The following GOLGA4 variants were observed in gnomAD, a reference collection of about 807,000 sequenced individuals.
The protein encoded by GOLGA4 is golgin subfamily A member 4.
In GOLGA4, 169 loss-of-function variants were observed where a neutral mutation model predicts 265.9. That is an observed-to-expected ratio of 0.64 (90% CI 0.56 to 0.72). The LOEUF is 0.72. Among genes scored for constraint, GOLGA4 ranks in the 30% least tolerant of loss-of-function variants. The probability of loss-of-function intolerance (pLI) is 0.00; values close to 1 mark genes in which losing one functional copy is unlikely to be tolerated. For synonymous variants in GOLGA4, 923 were observed against 855.8 expected, an observed-to-expected ratio of 1.08 and a Z score of -1.37; for missense variants, 2,482 against 2,483.4, an observed-to-expected ratio of 1.00 and a Z score of 0.01.
At chr3:37,337,845 A>G in intron 19 of GOLGA4, 111 bp downstream of exon 19, 1 of 654,308 alleles carries the variant, frequency 1.5e-6, no homozygotes, top group Non-Finnish European at 2.7e-6. Flanking sequence ...TCTTACACCC[A>G]GGAAATTTTA....
At position 37,325,906 on chromosome 3, in the gene GOLGA4, T is replaced by C. The variant is rs1276875273; in HGVS notation, c.4020T>C (p.Cys1340=). ...QQQAASEKES[C]ITQLKKELSE... is the part of the protein sequence containing the mutation. ...AGGCTGCTTCTGAAAAGGAGTCTTGTATAACACAGTTGAAGAAAGAGTTAT... is the reference window on the plus strand; with the variant it reads ...AGGCTGCTTCTGAAAAGGAGTCTTGCATAACACAGTTGAAGAAAGAGTTAT... The change falls in exon 14 of 24, where the codon TGT becomes TGC. Residue 1340 remains cysteine (C), a synonymous_variant. Coordinates refer to ENST00000361924, the MANE Select transcript of GOLGA4 (RefSeq NM_002078.5). 5 of 1,613,368 alleles carry C rather than the reference T, an allele frequency of 3.1e-6. No individual in the cohort carries two copies. The highest frequency in any genetic ancestry group is 4.2e-6 in the Non-Finnish European group (5 of 1,179,502).
At chr3:37,310,736 T>TGG (rs11436513) in intron 10 of GOLGA4, among the ~76,000 whole-genome samples, 1 of 146,954 alleles carries the variant, frequency 6.8e-6, no homozygotes, top group African/African-American at 2.5e-5. Context: ...TGTGTGTGTG[T>TGG]TTTTTTTTTT....
At position 37,319,411 on chromosome 3, in the gene GOLGA4, A is replaced by G. The variant is rs2096948421; in HGVS notation, c.1545+217A>G. The G allele has an allele frequency of 1.0e-5, 3 of 296,988 alleles. No individual in the cohort carries two copies. Among genetic ancestry groups the G allele is most frequent in the South Asian group, 6.2e-5 (1 of 16,180 alleles). 18.4% of individuals were successfully genotyped at this position (296,988 alleles called of 1,614,324 possible). On this transcript the variant is annotated intron_variant, in intron 12 of 23. Transcript: ENST00000361924. The stretch of plus-strand genomic sequence containing the variant: ...TGATCTAACACACTTTCTTTTTTTT[A>G]TGAGAGAGAGTCTCGCTCTGTTGCC...
rs776144663 is a variant in GOLGA4 at position 37,325,392 on chromosome 3, G to A, written c.3506G>A (p.Arg1169Gln). Residue 1169 changes from arginine (R) to glutamine (Q), a missense_variant, in exon 14 of 24, where the codon CGG becomes CAG. By Grantham distance (43) the Arg-to-Gln change is conservative (BLOSUM62 1). Around this residue, in one of 3 missense-constraint regions of GOLGA4, gnomAD observed 1,536 missense variants for 1,483.7 expected, o/e 1.04. Coordinates refer to ENST00000361924, the MANE Select transcript of GOLGA4 (RefSeq NM_002078.5). ...AAGATGCTGGCAGAAGAAGATAAGC[G>A]GAAGGTTTCTGAGTTGACTAGCAAG... Reference protein sequence around the residue: ...ELKMLAEEDKRKVSELTSKLK... With the variant: ...ELKMLAEEDKQKVSELTSKLK... The A allele has an allele frequency of 3.1e-6, 5 of 1,612,434 alleles. No homozygotes were observed. Among genetic ancestry groups the A allele is most frequent in the South Asian group, 2.2e-5 (2 of 90,638 alleles).
At position 37,267,524 on chromosome 3, in the gene GOLGA4, A is replaced by G. The variant is rs114852752; in HGVS notation, c.163-14434A>G. Among the ~76,000 whole-genome samples the G allele has an allele frequency of 2.1e-3, 316 of 152,290 alleles. 2 individuals carry two copies. Among genetic ancestry groups the G allele is most frequent in the African/African-American group, 7.4e-3 (309 of 41,554 alleles). On this transcript the variant is annotated intron_variant, in intron 2 of 23. Coordinates refer to ENST00000361924, the MANE Select transcript of GOLGA4 (RefSeq NM_002078.5). Reference sequence around the variant, plus strand: ...GGTTTTGAATCTTGTATGTAATTTCATTTTGGGAAAGTGGACATTTTCCTA... The same window carrying G: ...GGTTTTGAATCTTGTATGTAATTTCGTTTTGGGAAAGTGGACATTTTCCTA...
At position 37,243,614 on chromosome 3, in the gene GOLGA4, C is replaced by T. The variant is rs757536736; in HGVS notation, c.64C>T (p.Pro22Ser). The change falls in exon 1 of 24, where the codon CCT (proline) becomes TCT (serine). Residue 22 changes from proline (P) to serine (S), a missense_variant. Coordinates refer to ENST00000361924, the MANE Select transcript of GOLGA4 (RefSeq NM_002078.5). ...GCAGCAGCTCCAGCAGGCGCTGGCT[C>T]CTGCTCAGGTACGATGGCCGCCGCT... ...EQQQLQQALAPAQASSNSSTP... is the reference protein window; with the variant it reads ...EQQQLQQALASAQASSNSSTP... The T allele has an allele frequency of 6.2e-7, 1 of 1,612,780 alleles. No individual in the cohort carries two copies. Among genetic ancestry groups the T allele is most frequent in the Non-Finnish European group, 8.5e-7 (1 of 1,179,396 alleles).
chr3:37,315,416 A>T lies in GOLGA4; in HGVS notation c.1235-4A>T, dbSNP rs748407585. The T allele has an allele frequency of 2.5e-6, 4 of 1,607,470 alleles. No individual in the cohort carries two copies. Among genetic ancestry groups the T allele is most frequent in the Non-Finnish European group, 3.4e-6 (4 of 1,177,604 alleles). ...ATACTTGTTTTCTGTTGTTTTCATT[A>T]TAGCTTTTGAGGAACTTGAAAAAGC... On this transcript the variant is annotated splice_polypyrimidine_tract_variant and splice_region_variant and intron_variant, in intron 10 of 23. Transcript: ENST00000361924.
At chr3:37,328,341 G>C in intron 14 of GOLGA4, 75 bp from the exon 15 acceptor site, 1 of 1,471,274 alleles carries the variant, frequency 6.8e-7, no homozygotes, top group Non-Finnish European at 9.3e-7. Flanking sequence ...TGTATGCACT[G>C]TTTTAAAGAC....
rs372860186 is a variant in GOLGA4, at chr3:37,296,106, G to A, written c.701G>A (p.Arg234Gln). ...TATTAGGTTTCTCTACTGAAACAAC[G>A]ATTACGAAATGGCCCGATGAATGTT... is the stretch of plus-strand genomic sequence containing the variant. ...LQTQVSLLKQ[R>Q]LRNGPMNVDV... The change falls in exon 7 of 24, where the codon CGA becomes CAA. Residue 234 changes from arginine (R) to glutamine (Q), a missense_variant. Coordinates refer to ENST00000361924, the MANE Select transcript of GOLGA4 (RefSeq NM_002078.5). 7 of 1,613,832 alleles carry A rather than the reference G, an allele frequency of 4.3e-6. No homozygotes were observed. Among genetic ancestry groups the A allele is most frequent in the African/African-American group, 4.0e-5 (3 of 75,042 alleles).
intron 2 of GOLGA4, among the ~76,000 whole-genome samples, chr3:37,279,959 A>G (rs185529029): frequency 6.6e-6 from 1 of 151,948 alleles, no homozygotes; most frequent in Non-Finnish European, 1.5e-5. Flanking sequence ...CCTCCTTCCT[A>G]GTGGATCCAT....
At chr3:37,266,106 C>T (rs1314150267) in intron 2 of GOLGA4, among the ~76,000 whole-genome samples, 5 of 150,924 alleles carry the variant, frequency 3.3e-5, no homozygotes, top group South Asian at 2.1e-4. Context: ...GAGAAGATCT[C>T]GATAACTTAC....
chr3:37,308,080 A>G (rs1423981000), intron 10 of GOLGA4, among the ~76,000 whole-genome samples: 1 of 152,114 alleles, frequency 6.6e-6, no homozygotes, highest in Non-Finnish European at 1.5e-5. Context: ...TAAAAATATA[A>G]AAATTAGCCG....
At chr3:37,268,709 C>A (rs1165446912) in intron 2 of GOLGA4, among the ~76,000 whole-genome samples, 4 of 152,100 alleles carry the variant, frequency 2.6e-5, no homozygotes, top group African/African-American at 9.7e-5. Context: ...GTAGCTGGGA[C>A]CACAGATGCG....
intron 2 of GOLGA4, among the ~76,000 whole-genome samples, chr3:37,274,574 A>G (rs2096808823): frequency 6.6e-6 from 1 of 152,028 alleles, no homozygotes; most frequent in East Asian, 1.9e-4. Context: ...TGTGCCTGTA[A>G]TCCCAGCTAT....
chr3:37,335,403 C>T (rs2097007505), intron 17 of GOLGA4, among the ~76,000 whole-genome samples: 1 of 152,182 alleles, frequency 6.6e-6, no homozygotes, highest in Non-Finnish European at 1.5e-5. Context: ...TACTAGACCT[C>T]AAAGCCTAGG....
chr3:37,329,136 G>T, intron 16 of GOLGA4, 43 bp downstream of exon 16: 2 of 1,488,704 alleles, frequency 1.3e-6, no homozygotes, highest in Admixed American at 2.2e-5. Context: ...AAATTTAGCT[G>T]TAATAGATTT....
At chr3:37,293,501 A>G (rs2096870277) in intron 5 of GOLGA4, among the ~76,000 whole-genome samples, 3 of 152,344 alleles carry the variant, frequency 2.0e-5, no homozygotes, top group South Asian at 4.1e-4. Flanking sequence ...AATAAAAAAT[A>G]TTGATTATAT....
At position 37,325,001 on chromosome 3, in the gene GOLGA4, G is replaced by A; in HGVS notation, c.3115G>A (p.Glu1039Lys). 3 of 1,612,904 alleles carry A rather than the reference G, an allele frequency of 1.9e-6. No individual in the cohort carries two copies. Among genetic ancestry groups the A allele is most frequent in the Non-Finnish European group, 1.7e-6 (2 of 1,179,342 alleles). The change falls in exon 14 of 24, where the codon GAA becomes AAA. Residue 1039 changes from glutamate to lysine, a missense_variant. Transcript: ENST00000361924. The stretch of plus-strand genomic sequence containing the variant: ...AAGTCTTACTGAGGTTCATCGACGA[G>A]AACTCAATGATGTCATATCAATCTG... ...IESLTEVHRRELNDVISIWEK... is the reference protein window; with the variant it reads ...IESLTEVHRRKLNDVISIWEK...
Position 37,326,901 on chromosome 3 carries a change from G to A in GOLGA4, c.5015G>A (p.Ser1672Asn). Residue 1672 changes from serine to asparagine, a missense_variant, in exon 14 of 24, where the codon AGC becomes AAC. Physicochemically the swap from Ser to Asn is conservative, Grantham distance 46. Transcript: ENST00000361924. ...GAACAGTATAAAAAAGGTACAGAAAGCCATTTGAGTGAGCTAAATACAAAA... is the reference window on the plus strand; with the variant it reads ...GAACAGTATAAAAAAGGTACAGAAAACCATTTGAGTGAGCTAAATACAAAA... ...KEEQYKKGTE[S>N]HLSELNTKLQ... 1 of 1,613,730 alleles carries A rather than the reference G, an allele frequency of 6.2e-7. No individual in the cohort carries two copies. Among genetic ancestry groups the A allele is most frequent in the Non-Finnish European group, 8.5e-7 (1 of 1,179,704 alleles).
Sources: gnomAD v4.1 joint callset for allele counts (sites outside exome capture counted in the v4.1 genomes callset) on GRCh38, gnomAD v4.1.1 for gene constraint, gnomAD v4.1.1 regional missense constraint, MANE v1.5 for transcripts, NCBI Gene and HGNC (gene_info 2026-07-23, HGNC 2026-07-21) for gene names.